Variants in SHANK2 observed in about 807,000 individuals in gnomAD.
SHANK2 encodes SH3 and multiple ankyrin repeat domains protein 2.
SHANK2 carries 43 observed loss-of-function variants against 133.7 expected under a neutral mutation model. The ratio of observed to expected loss-of-function variants is 0.32; its 90% confidence interval spans 0.25 to 0.41. SHANK2 has a LOEUF of 0.41. SHANK2 is among the 10% of genes least tolerant of loss of function. The probability of loss-of-function intolerance (pLI) is 1.00; values close to 1 mark genes in which losing one functional copy is unlikely to be tolerated. For synonymous variants in SHANK2, 1,017 were observed against 952.8 expected, an observed-to-expected ratio of 1.07 and a Z score of -1.24; for missense variants, 1,994 against 2,235.8, an observed-to-expected ratio of 0.89 and a Z score of 2.18.
chr11:71,177,620 T>A (rs1953472514), intron 2 of SHANK2, among the ~76,000 whole-genome samples: 1 of 152,140 alleles, frequency 6.6e-6, no homozygotes, highest in Non-Finnish European at 1.5e-5. Context: ...CAGAATGATG[T>A]AACAAAAAGA....
At chr11:70,635,928 G>C (rs1390231976) in intron 17 of SHANK2, among the ~76,000 whole-genome samples, 1 of 152,212 alleles carries the variant, frequency 6.6e-6, no homozygotes, top group African/African-American at 2.4e-5. Context: ...GGCCCCGTAG[G>C]GCATGAGGCC....
chr11:71,136,552 C>T (rs561040932), intron 3 of SHANK2, among the ~76,000 whole-genome samples: 23 of 152,270 alleles, frequency 1.5e-4, no homozygotes, highest in African/African-American at 2.6e-4. Flanking sequence ...GACGGTCACA[C>T]GAAAAGCCCA....
intron 6 of SHANK2, among the ~76,000 whole-genome samples, chr11:71,101,263 C>T (rs1951712734): frequency 6.6e-6 from 1 of 152,166 alleles, no homozygotes; most frequent in Admixed American, 6.5e-5. Flanking sequence ...CTCCGTGTCA[C>T]CCTTACCCTC....
intron 17 of SHANK2, among the ~76,000 whole-genome samples, chr11:70,509,009 C>A (rs1163529457): frequency 2.0e-5 from 3 of 152,178 alleles, no homozygotes; most frequent in African/African-American, 7.2e-5. Context: ...ACCGTCAGCT[C>A]CTATGGGAGA....
intron 11 of SHANK2, among the ~76,000 whole-genome samples, chr11:70,833,680 C>T (rs979943874): frequency 1.2e-4 from 19 of 152,234 alleles, no homozygotes; most frequent in African/African-American, 3.1e-4. Context: ...GCAGTACTTA[C>T]GCACAGTGGG....
chr11:70,792,611 C>G (rs781790633), intron 14 of SHANK2, among the ~76,000 whole-genome samples: 1 of 152,208 alleles, frequency 6.6e-6, no homozygotes, highest in African/African-American at 2.4e-5. Flanking sequence ...AGTTTACCAA[C>G]TAAATGTTCA....
At chr11:70,883,316 C>A (rs1459487634) in intron 11 of SHANK2, among the ~76,000 whole-genome samples, 5 of 152,178 alleles carry the variant, frequency 3.3e-5, no homozygotes, top group African/African-American at 1.2e-4. Context: ...TGACTCTATG[C>A]CCCATTGGGA....
intron 14 of SHANK2, among the ~76,000 whole-genome samples, chr11:70,699,198 A>G (rs1293781781): frequency 1.3e-5 from 2 of 152,112 alleles, no homozygotes; most frequent in Non-Finnish European, 2.9e-5. Flanking sequence ...GCCATTTGGG[A>G]AAGAAAGAAC....
chr11:70,777,308 CATCT>C (rs1947388100), intron 14 of SHANK2, among the ~76,000 whole-genome samples: 1 of 151,752 alleles, frequency 6.6e-6, no homozygotes, highest in African/African-American at 2.4e-5. Context: ...CCCACCCATG[CATCT>C]ATCTATCCAT....
In SHANK2 at chr11:70,950,662, C is replaced by T. The variant is rs191377403; in HGVS notation, c.1108-54095G>A. ...TCGCTCTGTGGCCCAGGCTGGAGTA[C>T]AATGGCGTGATCTCTGCTCACTGCC... On this transcript the variant is annotated intron_variant, in intron 10 of 25. Transcript: ENST00000601538. Among the ~76,000 whole-genome samples, 53 of 150,418 alleles carry T rather than the reference C, an allele frequency of 3.5e-4. 1 individual carries two copies. The East Asian group carries it at 5.5e-3, about 16-fold the overall frequency.
chr11:70,779,189 C>T (rs782446675), intron 14 of SHANK2, among the ~76,000 whole-genome samples: 42 of 151,912 alleles, frequency 2.8e-4, no homozygotes, highest in Middle Eastern at 3.4e-3. Context: ...AAACACAGAG[C>T]GGCTGCTACG....
At chr11:70,541,032 T>C (rs782565846) in intron 17 of SHANK2, among the ~76,000 whole-genome samples, 3 of 152,070 alleles carry the variant, frequency 2.0e-5, no homozygotes, top group Non-Finnish European at 2.9e-5. Flanking sequence ...TCTGTCTCCA[T>C]GGACTTCGCT....
intron 6 of SHANK2, among the ~76,000 whole-genome samples, chr11:71,098,289 G>A (rs911435516): frequency 2.0e-5 from 3 of 152,196 alleles, no homozygotes; most frequent in Non-Finnish European, 2.9e-5. Flanking sequence ...GCATGCCTGT[G>A]TGCATGCCTC....
At chr11:71,164,028 CTAAAAG>C (rs1218560734) in intron 2 of SHANK2, among the ~76,000 whole-genome samples, 1 of 152,116 alleles carries the variant, frequency 6.6e-6, no homozygotes, top group Non-Finnish European at 1.5e-5. Flanking sequence ...CACTTAGGAT[CTAAAAG>C]GAAATGTAAA....
intron 10 of SHANK2, among the ~76,000 whole-genome samples, chr11:70,901,365 C>A (rs1950020377): frequency 6.6e-6 from 1 of 152,144 alleles, no homozygotes. Context: ...TTATGACAAG[C>A]CACACTCAGG....
chr11:70,477,183 C>G (rs1165490565), intron 25 of SHANK2: 2 of 152,202 alleles, frequency 1.3e-5, no homozygotes, highest in Admixed American at 1.3e-4. Context: ...TCTGTTAACA[C>G]CGGTCATGGG....
At chr11:70,653,250 G>A (rs1407129806) in intron 17 of SHANK2, among the ~76,000 whole-genome samples, 2 of 152,158 alleles carry the variant, frequency 1.3e-5, no homozygotes, top group African/African-American at 4.8e-5. Context: ...TGGGATTACA[G>A]GCGTGAGCCA....
chr11:71,092,396 CAG>C lies in SHANK2; in HGVS notation c.912+24_912+25del, dbSNP rs575278895. 272 of 1,550,758 alleles carry C rather than the reference CAG, an allele frequency of 1.8e-4. 1 individual carries two copies. In the African/African-American group the frequency reaches 3.2e-3, roughly 18 times the overall value. ...AGGGGAAGTCAGTTCGTGGGTACAA[CAG>C]AGTGGAGAAGCGGGCCCACGTACCT... On this transcript the variant is annotated intron_variant, in intron 8 of 25. Transcript: ENST00000601538.
intron 17 of SHANK2, among the ~76,000 whole-genome samples, chr11:70,597,266 C>T (rs2060414323): frequency 6.6e-6 from 1 of 152,162 alleles, no homozygotes; most frequent in Admixed American, 6.5e-5. Context: ...CCACTGCCCC[C>T]CGCCTTTGAG....
Sources: gnomAD v4.1 joint callset for allele counts (sites outside exome capture counted in the v4.1 genomes callset) on GRCh38, gnomAD v4.1.1 for gene constraint, MANE v1.5 for transcripts, NCBI Gene and HGNC (gene_info 2026-07-23, HGNC 2026-07-21) for gene names.